The following FGF14 variants were observed in gnomAD, a reference collection of about 807,000 sequenced individuals.
FGF14 encodes the protein fibroblast growth factor 14.
A neutral mutation model predicts 25.5 loss-of-function variants in FGF14; 5 were observed. That is an observed-to-expected ratio of 0.20 (90% confidence interval 0.10 to 0.41). FGF14 has a LOEUF of 0.41. FGF14 is among the 10% of genes least tolerant of loss of function. The pLI, the probability that FGF14 is intolerant of heterozygous loss-of-function variation, is 1.00. For synonymous variants in FGF14, 138 were observed against 118.3 expected, an observed-to-expected ratio of 1.17 and a Z score of -1.08; for missense variants, 222 against 320.1, an observed-to-expected ratio of 0.69 and a Z score of 2.34.
At chr13:101,926,273 T>C (rs1307512268) in intron 1 of FGF14, among the ~76,000 whole-genome samples, 2 of 152,180 alleles carry the variant, frequency 1.3e-5, no homozygotes, top group African/African-American at 4.8e-5. Flanking sequence ...ATGGACAGAA[T>C]AGCTGCTTCC....
chr13:102,299,422 A>C (rs994913819), intron 1 of FGF14, among the ~76,000 whole-genome samples: 1 of 152,184 alleles, frequency 6.6e-6, no homozygotes, highest in African/African-American at 2.4e-5. Flanking sequence ...AGCCATGTGC[A>C]CATTTAAAGG....
intron 1 of FGF14, among the ~76,000 whole-genome samples, chr13:101,929,704 T>TTATTTA (rs1454035672): frequency 1.3e-5 from 2 of 148,774 alleles, no homozygotes; most frequent in Admixed American, 6.6e-5. Flanking sequence ...TATGGCATCT[T>TTATTTA]TATTTATATG....
chr13:102,197,655 T>C (rs573548151), intron 1 of FGF14, among the ~76,000 whole-genome samples: 1 of 151,774 alleles, frequency 6.6e-6, no homozygotes, highest in Non-Finnish European at 1.5e-5. Context: ...TATTTACACA[T>C]ATATAGATAC....
At chr13:101,912,627 ATATAT>A (rs2033062206) in intron 1 of FGF14, among the ~76,000 whole-genome samples, 2 of 152,228 alleles carry the variant, frequency 1.3e-5, no homozygotes, top group African/African-American at 4.8e-5. Context: ...ATCTTTGTTC[ATATAT>A]TAGTTAAGCT....
intron 1 of FGF14, among the ~76,000 whole-genome samples, chr13:102,290,899 C>CT (rs1430317407): frequency 6.6e-6 from 1 of 152,182 alleles, no homozygotes; most frequent in Admixed American, 6.5e-5. Context: ...AAGGATAACT[C>CT]TGTCTTTGTG....
intron 1 of FGF14, among the ~76,000 whole-genome samples, chr13:102,009,420 G>A (rs1305667721): frequency 6.6e-6 from 1 of 151,976 alleles, no homozygotes; most frequent in Non-Finnish European, 1.5e-5. Context: ...TTATCAGTTT[G>A]ACGTGCATGA....
chr13:101,958,648 C>T (rs1268848670), intron 1 of FGF14, among the ~76,000 whole-genome samples: 1 of 152,094 alleles, frequency 6.6e-6, no homozygotes, highest in African/African-American at 2.4e-5. Flanking sequence ...TAAGTCTTGA[C>T]AGAGAAAAAA....
intron 3 of FGF14, among the ~76,000 whole-genome samples, chr13:101,789,272 T>C (rs1313250580): frequency 2.0e-5 from 3 of 152,082 alleles, no homozygotes; most frequent in Non-Finnish European, 2.9e-5. Context: ...ATATTCTCTT[T>C]TGTGTCTCCA....
At chr13:101,900,221 A>T (rs1057083824) in intron 1 of FGF14, among the ~76,000 whole-genome samples, 5 of 152,200 alleles carry the variant, frequency 3.3e-5, no homozygotes, top group African/African-American at 1.2e-4. Flanking sequence ...TTTTCCATGA[A>T]TGTTTAAATT....
Position 101,714,426 on chromosome 13 carries a change from T to C in FGF14, c.*8405A>G. 2.7e-6 allele frequency: 4 copies of C among 1,482,590 alleles called. No individual in the cohort carries two copies. The highest frequency in any genetic ancestry group is 3.8e-6 in the Non-Finnish European group (4 of 1,060,786). The allele number at this position is 1,482,590 out of a possible 1,614,324, so 91.8% of individuals were successfully genotyped here. Reference sequence around the variant, plus strand: ...ATAAGGTGATGGTGAGTAATAGCCTTTGTAATTTCAGGTTCTTGTCATTGT... The same window carrying C: ...ATAAGGTGATGGTGAGTAATAGCCTCTGTAATTTCAGGTTCTTGTCATTGT... On this transcript the variant is annotated 3_prime_UTR_variant, in exon 5 of 5. Coordinates refer to ENST00000376143, the MANE Select transcript of FGF14 (RefSeq NM_004115.4).
rs1566954135 is a variant in FGF14, at chr13:102,350,056, A to G, written c.208+51415T>C. 2.6e-5 allele frequency among the ~76,000 whole-genome samples: 4 copies of G among 152,230 alleles called. No individual in the cohort carries two copies. The South Asian group carries it at 8.3e-4, about 32-fold the overall frequency. ...TATGGACTATGGTGACCTGTTAAAA[A>G]CACACACTTGTGAAAACATTCATTA... On this transcript the variant is annotated intron_variant, in intron 1 of 4. Coordinates refer to the FGF14 transcript ENST00000376131.
At chr13:102,183,791 C>T (rs1490708174) in intron 1 of FGF14, among the ~76,000 whole-genome samples, 1 of 152,158 alleles carries the variant, frequency 6.6e-6, no homozygotes, top group Non-Finnish European at 1.5e-5. Flanking sequence ...TTCAAGCCCT[C>T]TCTCCTTATT....
chr13:102,306,379 G>C (rs1362386999), intron 1 of FGF14, among the ~76,000 whole-genome samples: 1 of 151,880 alleles, frequency 6.6e-6, no homozygotes, highest in African/African-American at 2.4e-5. Flanking sequence ...TTGCAGGGCA[G>C]GGAAGACATA....
At chr13:102,016,653 C>T (rs1454956122) in intron 1 of FGF14, among the ~76,000 whole-genome samples, 1 of 152,062 alleles carries the variant, frequency 6.6e-6, no homozygotes, top group African/African-American at 2.4e-5. Flanking sequence ...CTTTCTTCTT[C>T]CTCTTTTTGT....
chr13:101,747,886 A>G (rs1166853378), intron 3 of FGF14, among the ~76,000 whole-genome samples: 1 of 151,916 alleles, frequency 6.6e-6, no homozygotes, highest in South Asian at 2.1e-4. Context: ...ATCACTAATC[A>G]AGAGAAATGC....
chr13:101,734,075 CA>C (rs1324855339), intron 3 of FGF14, among the ~76,000 whole-genome samples: 2 of 151,700 alleles, frequency 1.3e-5, no homozygotes, highest in Non-Finnish European at 2.9e-5. Flanking sequence ...ATGTGGTATT[CA>C]GGGACCAGTA....
At chr13:101,822,502 A>C (rs2042204699) in intron 3 of FGF14, among the ~76,000 whole-genome samples, 1 of 152,166 alleles carries the variant, frequency 6.6e-6, no homozygotes, top group African/African-American at 2.4e-5. Context: ...ACCAAAAAAA[A>C]AAAAAACCTG....
chr13:101,862,353 T>G (rs2044468010), intron 3 of FGF14, among the ~76,000 whole-genome samples: 2 of 152,122 alleles, frequency 1.3e-5, no homozygotes, highest in African/African-American at 4.8e-5. Context: ...TATTTATTTT[T>G]TTTCCTCTTC....
rs1566422360 is a variant in FGF14, at chr13:101,911,700, C to T, written c.193+4753G>A. Among the ~76,000 whole-genome samples, 3 of 151,944 alleles carry T rather than the reference C, an allele frequency of 2.0e-5. 1 individual carries two copies. The highest frequency in any genetic ancestry group is 6.6e-5 in the Admixed American group (1 of 15,260). On this transcript the variant is annotated intron_variant, in intron 1 of 4. Coordinates refer to ENST00000376143, the MANE Select transcript of FGF14 (RefSeq NM_004115.4). The stretch of plus-strand genomic sequence containing the variant: ...AGTATGTCCCTTGTTAAAAACAAAA[C>T]AAAACAAAACTCAACATTTTAATTT...
Sources: gnomAD v4.1 joint callset for allele counts (sites outside exome capture counted in the v4.1 genomes callset) on GRCh38, gnomAD v4.1.1 for gene constraint, MANE v1.5 for transcripts, NCBI Gene and HGNC (gene_info 2026-07-23, HGNC 2026-07-21) for gene names.